The following RANBP2 variants were observed in gnomAD, a reference collection of about 807,000 sequenced individuals.
The protein encoded by RANBP2 is E3 SUMO-protein ligase RanBP2.
Under a neutral mutation model 303.6 loss-of-function variants are expected in RANBP2, and 57 were observed. The ratio of observed to expected loss-of-function variants is 0.19; its 90% confidence interval spans 0.15 to 0.23. RANBP2 has a LOEUF of 0.23. Ranked by LOEUF, RANBP2 falls within the 10% of genes least tolerant of loss-of-function variation. RANBP2 has a pLI of 1.00. For missense variants in RANBP2, 3,138 were observed against 3,780.8 expected (o/e 0.83, Z 4.46); for synonymous variants, 1,167 against 1,301.5 (o/e 0.90, Z 2.23).
chr2:109,617,595 TA>T, the RANBP2 span: 1 of 166,994 alleles, frequency 6.0e-6, no homozygotes, highest in Non-Finnish European at 1.5e-5. Context: ...GCCTACAGGA[TA>T]AGGAAGTTCA....
the RANBP2 span, among the ~76,000 whole-genome samples, chr2:108,868,958 A>G: frequency 6.6e-6 from 1 of 152,170 alleles, no homozygotes; most frequent in African/African-American, 2.4e-5. Flanking sequence ...GATTTTCTCT[A>G]CGTTCCCAGC....
At chr2:109,460,060 A>G in the RANBP2 span, among the ~76,000 whole-genome samples, 1 of 152,220 alleles carries the variant, frequency 6.6e-6, no homozygotes, top group African/African-American at 2.4e-5. Flanking sequence ...GCCAGCTGCC[A>G]GCATAATGGG....
At chr2:109,512,420 C>T in the RANBP2 span, among the ~76,000 whole-genome samples, 3 of 152,168 alleles carry the variant, frequency 2.0e-5, no homozygotes, top group Admixed American at 6.5e-5. Context: ...CTGCCCCCTC[C>T]TGAGTCAAGC....
chr2:109,324,074 G>T, the RANBP2 span, among the ~76,000 whole-genome samples: 3 of 152,148 alleles, frequency 2.0e-5, no homozygotes, highest in Non-Finnish European at 4.4e-5. Context: ...GTGGCCTTTT[G>T]TGTCTTACTT....
the RANBP2 span, among the ~76,000 whole-genome samples, chr2:109,294,851 G>T: frequency 6.6e-6 from 1 of 152,184 alleles, no homozygotes; most frequent in Non-Finnish European, 1.5e-5. Flanking sequence ...GGCATCTTGG[G>T]GTGCACAGAG....
the RANBP2 span, among the ~76,000 whole-genome samples, chr2:109,635,817 A>T: frequency 1.3e-5 from 2 of 152,348 alleles, no homozygotes; most frequent in Middle Eastern, 6.8e-3. Context: ...CATGAATAAG[A>T]TATGCTGTCT....
At chr2:109,629,355 A>AT in the RANBP2 span, among the ~76,000 whole-genome samples, 72 of 15,372 alleles carry the variant, frequency 4.7e-3, 2 homozygotes, top group Admixed American at 0.012. Flanking sequence ...ATATATATAT[A>AT]TTTTTTTTTT....
the RANBP2 span, among the ~76,000 whole-genome samples, chr2:109,458,027 TG>T: frequency 3.9e-5 from 6 of 151,972 alleles, no homozygotes; most frequent in African/African-American, 1.5e-4. Flanking sequence ...GGTTTTATTT[TG>T]TTTTTTCAGG....
At chr2:109,228,757 G>T in the RANBP2 span, among the ~76,000 whole-genome samples, 1 of 152,180 alleles carries the variant, frequency 6.6e-6, no homozygotes, top group Non-Finnish European at 1.5e-5. Context: ...GAGCACAGGG[G>T]CTTCCGTCTC....
the RANBP2 span, among the ~76,000 whole-genome samples, chr2:108,880,200 AAAAC>A: frequency 3.5e-4 from 43 of 122,710 alleles, no homozygotes; most frequent in African/African-American, 1.1e-3. Flanking sequence ...TTAAAAAAAA[AAAAC>A]AACAACAAAC....
chr2:109,145,410 C>T, the RANBP2 span, among the ~76,000 whole-genome samples: 1 of 152,192 alleles, frequency 6.6e-6, no homozygotes, highest in Non-Finnish European at 1.5e-5. Context: ...GTGTTCATTC[C>T]TGCTGTTGGC....
At chr2:108,893,592 A>T in the RANBP2 span, among the ~76,000 whole-genome samples, 1 of 125,352 alleles carries the variant, frequency 8.0e-6, no homozygotes, top group Non-Finnish European at 2.0e-5. Context: ...ACTTGTGCTT[A>T]AAAAACAAAA....
the RANBP2 span, among the ~76,000 whole-genome samples, chr2:108,950,713 G>A: frequency 2.0e-5 from 3 of 152,200 alleles, no homozygotes; most frequent in African/African-American, 4.8e-5. Context: ...CTCCCTTCAT[G>A]AGTCCAGTTC....
chr2:109,433,880 A>G, the RANBP2 span, among the ~76,000 whole-genome samples: 1 of 152,208 alleles, frequency 6.6e-6, no homozygotes, highest in Non-Finnish European at 1.5e-5. Flanking sequence ...GCTTCAGGAA[A>G]TGCACCCCCT....
chr2:109,137,439 C>T, the RANBP2 span, among the ~76,000 whole-genome samples: 1 of 152,218 alleles, frequency 6.6e-6, no homozygotes, highest in African/African-American at 2.4e-5. Flanking sequence ...GGAGCAGATG[C>T]TCTGGAAGTG....
At chr2:109,192,526 T>C in the RANBP2 span, among the ~76,000 whole-genome samples, 71 of 152,274 alleles carry the variant, frequency 4.7e-4, no homozygotes, top group Middle Eastern at 3.4e-3. Flanking sequence ...CTTATAGAGA[T>C]TTGGTAATTT....
At chr2:109,210,694 G>A in the RANBP2 span, among the ~76,000 whole-genome samples, 1 of 152,194 alleles carries the variant, frequency 6.6e-6, no homozygotes, top group Non-Finnish European at 1.5e-5. Context: ...GCCCAGGAAG[G>A]AGGTTGGGTT....
the RANBP2 span, among the ~76,000 whole-genome samples, chr2:109,419,205 A>C: frequency 4.6e-5 from 7 of 152,280 alleles, no homozygotes; most frequent in African/African-American, 1.7e-4. Flanking sequence ...GTTTTTTTTA[A>C]ACAAACACAA....
downstream of RANBP2, chr2:108,789,077 C>T: frequency 9.5e-7 from 1 of 1,051,748 alleles, no homozygotes; most frequent in Non-Finnish European, 1.4e-6. Context: ...AGTATGAGGA[C>T]AAGTATAAGG....
Sources: gnomAD v4.1 joint callset for allele counts (sites outside exome capture counted in the v4.1 genomes callset) on GRCh38, gnomAD v4.1.1 for gene constraint, MANE v1.5 for transcripts, NCBI Gene and HGNC (gene_info 2026-07-23, HGNC 2026-07-21) for gene names.